The following TRIQK variants were observed in gnomAD, a reference collection of about 807,000 sequenced individuals.
TRIQK encodes the protein triple QxxK/R motif-containing protein.
In TRIQK, 10 loss-of-function variants were observed where a neutral mutation model predicts 10.8. The ratio of observed to expected loss-of-function variants is 0.92; its 90% CI spans 0.57 to 1.57. The LOEUF (loss-of-function observed/expected upper bound fraction) is 1.57. Ranked by LOEUF, TRIQK falls within the 40% of genes most tolerant of loss-of-function variation. The pLI is 0.00. For synonymous variants in TRIQK, 33 were observed against 33.7 expected (o/e 0.98, Z 0.07); for missense variants, 107 against 97.7 (o/e 1.09, Z -0.40).
chr8:92,905,088 A>G (rs142411721), intron 3 of TRIQK, among the ~76,000 whole-genome samples: 142 of 152,316 alleles, frequency 9.3e-4, no homozygotes, highest in African/African-American at 3.3e-3. Context: ...AAACTTGTAC[A>G]TGTAAATCGA....
chr8:92,905,458 G>A (rs1809202337), intron 3 of TRIQK, among the ~76,000 whole-genome samples: 5 of 152,120 alleles, frequency 3.3e-5, no homozygotes, highest in Admixed American at 3.3e-4. Context: ...TTAATATTGT[G>A]GTAATCCCTC....
chr8:92,957,213 C>T (rs987185011), intron 1 of TRIQK, among the ~76,000 whole-genome samples: 4 of 151,706 alleles, frequency 2.6e-5, no homozygotes, highest in African/African-American at 7.3e-5. Context: ...AGCCTTTTTA[C>T]ATATACATAC....
chr8:92,946,763 T>A (rs1811555465), intron 2 of TRIQK, among the ~76,000 whole-genome samples: 1 of 145,164 alleles, frequency 6.9e-6, no homozygotes, highest in African/African-American at 2.5e-5. Flanking sequence ...TTTATTTTAC[T>A]TTTTTTTTTT....
At chr8:92,993,550 A>C (rs1813119356) in intron 1 of TRIQK, among the ~76,000 whole-genome samples, 3 of 152,208 alleles carry the variant, frequency 2.0e-5, no homozygotes, top group Non-Finnish European at 2.9e-5. Flanking sequence ...AAACACCCAG[A>C]TACGCTGCTC....
chr8:92,901,383 G>A (rs1808929411), intron 3 of TRIQK, among the ~76,000 whole-genome samples: 4 of 152,096 alleles, frequency 2.6e-5, no homozygotes, highest in Admixed American at 2.6e-4. Flanking sequence ...CTGTGGGTCT[G>A]TCATATATGG....
Position 92,891,867 on chromosome 8 carries a change from G to A in TRIQK, c.147+122C>T, listed in dbSNP as rs928019753. The A allele has an allele frequency of 1.9e-5, 13 of 670,454 alleles. 1 individual carries two copies. In the South Asian group the frequency reaches 2.5e-4, roughly 13 times the overall value. The allele number at this position is 670,454 out of a possible 1,614,324, so 41.5% of individuals were successfully genotyped here. On this transcript the variant is annotated intron_variant, in intron 4 of 4. Coordinates refer to ENST00000521988, the MANE Select transcript of TRIQK (RefSeq NM_001171797.2). Reference sequence around the variant, plus strand: ...TTCTTTACAAAAACCTTTAAGTCTGGCATTCTATTTAGATTGTGAAATGTC... The same window carrying A: ...TTCTTTACAAAAACCTTTAAGTCTGACATTCTATTTAGATTGTGAAATGTC...
intron 1 of TRIQK, chr8:92,963,910 TAC>T (rs1306798685): frequency 6.8e-6 from 1 of 146,592 alleles, no homozygotes; most frequent in East Asian, 2.0e-4. Context: ...AAAAAAAAAA[TAC>T]AGTTTCACAT....
chr8:92,895,829 G>A (rs567176710), intron 3 of TRIQK, among the ~76,000 whole-genome samples: 1 of 151,996 alleles, frequency 6.6e-6, no homozygotes, highest in East Asian at 1.9e-4. Context: ...AGTGAGATGT[G>A]CAAAAAAAGA....
At chr8:93,013,474 A>G (rs1813356645) in intron 1 of TRIQK, among the ~76,000 whole-genome samples, 2 of 152,124 alleles carry the variant, frequency 1.3e-5, no homozygotes, top group African/African-American at 2.4e-5. Context: ...AGAGGTTGGG[A>G]GGGAGGAAGA....
upstream of TRIQK, among the ~76,000 whole-genome samples, chr8:92,970,382 C>T (rs1812862632): frequency 6.6e-6 from 1 of 152,198 alleles, no homozygotes; most frequent in Non-Finnish European, 1.5e-5. Flanking sequence ...GCCACACTGT[C>T]TTCCACAATG....
intron 1 of TRIQK, among the ~76,000 whole-genome samples, chr8:93,004,308 C>T (rs1016883958): frequency 1.3e-5 from 2 of 152,226 alleles, no homozygotes; most frequent in Non-Finnish European, 2.9e-5. Flanking sequence ...TTGGGATTTG[C>T]ACCCTCACAG....
intron 1 of TRIQK, among the ~76,000 whole-genome samples, chr8:92,983,125 A>C (rs1434515822): frequency 6.6e-6 from 1 of 152,018 alleles, no homozygotes; most frequent in Non-Finnish European, 1.5e-5. Context: ...ACTGATTCTA[A>C]ATTATTTTTA....
At chr8:92,936,055 T>C (rs1810971539) in intron 2 of TRIQK, among the ~76,000 whole-genome samples, 1 of 151,636 alleles carries the variant, frequency 6.6e-6, no homozygotes, top group Admixed American at 6.6e-5. Flanking sequence ...ACAAGCTTTA[T>C]CAGGTATATA....
chr8:92,993,197 C>G (rs544713977), intron 1 of TRIQK, among the ~76,000 whole-genome samples: 1 of 152,258 alleles, frequency 6.6e-6, no homozygotes, highest in East Asian at 1.9e-4. Flanking sequence ...TCAGCTTTCC[C>G]CAATCAACAT....
intron 3 of TRIQK, among the ~76,000 whole-genome samples, chr8:92,903,400 C>A (rs1809063421): frequency 6.6e-6 from 1 of 151,872 alleles, no homozygotes; most frequent in African/African-American, 2.4e-5. Context: ...CGTGAATATA[C>A]TATTGTAGCA....
intron 1 of TRIQK, among the ~76,000 whole-genome samples, chr8:92,986,891 A>G (rs1210023329): frequency 6.6e-6 from 1 of 152,202 alleles, no homozygotes; most frequent in Non-Finnish European, 1.5e-5. Flanking sequence ...GTTGTCCTCT[A>G]ATAATCTAGA....
chr8:92,968,514 T>G (rs373117840), upstream of TRIQK, among the ~76,000 whole-genome samples: 1 of 152,242 alleles, frequency 6.6e-6, no homozygotes, highest in East Asian at 1.9e-4. Context: ...TGAGATGGTA[T>G]CTCATTGTGG....
At chr8:92,898,090 A>G (rs1168750876) in intron 3 of TRIQK, among the ~76,000 whole-genome samples, 5 of 152,012 alleles carry the variant, frequency 3.3e-5, no homozygotes, top group Non-Finnish European at 4.4e-5. Flanking sequence ...GTTTAACCCC[A>G]CTAGTAATGA....
intron 1 of TRIQK, among the ~76,000 whole-genome samples, chr8:92,983,733 G>C (rs1813007218): frequency 6.6e-6 from 1 of 152,074 alleles, no homozygotes; most frequent in African/African-American, 2.4e-5. Context: ...TAAACACATA[G>C]TGTCATTTCT....
Sources: gnomAD v4.1 joint callset for allele counts (sites outside exome capture counted in the v4.1 genomes callset) on GRCh38, gnomAD v4.1.1 for gene constraint, MANE v1.5 for transcripts, NCBI Gene and HGNC (gene_info 2026-07-23, HGNC 2026-07-21) for gene names.